BAHCC1: variants seen among roughly 807,000 people sequenced by gnomAD.
The protein encoded by BAHCC1 is BAH and coiled-coil domain-containing protein 1.
Under a neutral mutation model 88.2 loss-of-function variants are expected in BAHCC1, and 43 were observed. The ratio of observed to expected loss-of-function variants is 0.49; its 90% CI spans 0.38 to 0.63. BAHCC1 has a LOEUF of 0.63. Ranked by LOEUF, BAHCC1 falls within the 20% of genes least tolerant of loss-of-function variation. The probability of loss-of-function intolerance (pLI) is 0.00; values close to 1 mark genes in which losing one functional copy is unlikely to be tolerated. For missense variants in BAHCC1, 3,023 were observed against 1,654.8 expected, an observed-to-expected ratio of 1.83 and a Z score of -14.34; for synonymous variants, 1,510 against 745.5, an observed-to-expected ratio of 2.03 and a Z score of -16.71.
chr17:81,445,216 T>G (rs782597978), intron 9 of BAHCC1, 38 bp downstream of exon 9: 1 of 739,068 alleles, frequency 1.4e-6, no homozygotes, highest in South Asian at 1.4e-5. Flanking sequence ...GCCGGGCACT[T>G]CTCCCCAACC....
At chr17:81,423,710 A>G (rs2064141806) in intron 2 of BAHCC1, among the ~76,000 whole-genome samples, 1 of 152,118 alleles carries the variant, frequency 6.6e-6, no homozygotes. Flanking sequence ...CCGTGTGCAG[A>G]AATCTGTGTG....
At chr17:81,401,562 T>G (rs1460905312) in intron 2 of BAHCC1, 1 of 152,590 alleles carries the variant, frequency 6.6e-6, no homozygotes, top group African/African-American at 2.4e-5. Context: ...CACGGGGCGC[T>G]GAGGCTGGGG....
intron 4 of BAHCC1, among the ~76,000 whole-genome samples, chr17:81,440,565 C>T (rs1281025334): frequency 1.3e-5 from 2 of 152,236 alleles, no homozygotes; most frequent in African/African-American, 4.8e-5. Context: ...GCTGCCCACC[C>T]ACCCAGCTGG....
chr17:81,408,183 C>T (rs2063904654), intron 2 of BAHCC1, among the ~76,000 whole-genome samples: 1 of 152,218 alleles, frequency 6.6e-6, no homozygotes, highest in African/African-American at 2.4e-5. Context: ...AGGAGGAGGA[C>T]ATTCCCGTCA....
At chr17:81,426,414 TGGG>T (rs1276821593) in intron 2 of BAHCC1, among the ~76,000 whole-genome samples, 1 of 44,884 alleles carries the variant, frequency 2.2e-5, no homozygotes. Context: ...GTGATGTGGT[TGGG>T]GGTGATAGTG....
rs188576878 is a variant in BAHCC1, at chr17:81,449,686, G to A, written c.3976+1838G>A. Among the ~76,000 whole-genome samples, 794 of 114,212 alleles carry A rather than the reference G, an allele frequency of 7.0e-3. 2 individuals carry two copies. Among genetic ancestry groups the A allele is most frequent in the African/African-American group, 0.025 (744 of 29,596 alleles). The allele number at this position is 114,212 out of a possible 152,430, so 74.9% of individuals were successfully genotyped here. A position where few individuals can be genotyped will look rare whatever the true frequency, so the allele number is the denominator to read the frequency against. On this transcript the variant is annotated intron_variant, in intron 11 of 27. Coordinates refer to ENST00000675386, the MANE Select transcript of BAHCC1 (RefSeq NM_001377448.1). ...GCAGCTGCTCAGCCCACCCCCCCTC[G>A]GCCCTCTCTCCCCCTCCCATTCCCT...
At chr17:81,427,566 G>T (rs939673858) in intron 3 of BAHCC1, among the ~76,000 whole-genome samples, 1 of 152,176 alleles carries the variant, frequency 6.6e-6, no homozygotes, top group Non-Finnish European at 1.5e-5. Context: ...GGCCCCCCTG[G>T]CCTTTCCGTG....
Position 81,458,745 on chromosome 17 carries a change from G to A in BAHCC1, c.5448+20G>A, listed in dbSNP as rs921698316. The A allele has an allele frequency of 5.4e-6, 4 of 742,054 alleles. No homozygotes were observed. Among genetic ancestry groups the A allele is most frequent in the Non-Finnish European group, 1.0e-5 (4 of 399,316 alleles). 46.0% of individuals were successfully genotyped at this position (742,054 alleles called of 1,614,324 possible). Reference sequence around the variant, plus strand: ...AAGCAGGTAGCAGCCCCCCACTCTGGGAGCCCACTGTGCACCCACCTGCAC... The same window carrying A: ...AAGCAGGTAGCAGCCCCCCACTCTGAGAGCCCACTGTGCACCCACCTGCAC... On this transcript the variant is annotated intron_variant, in intron 19 of 27. Coordinates refer to ENST00000675386, the MANE Select transcript of BAHCC1 (RefSeq NM_001377448.1).
chr17:81,449,981 C>G (rs1555655416), intron 11 of BAHCC1, among the ~76,000 whole-genome samples: 1 of 152,152 alleles, frequency 6.6e-6, no homozygotes, highest in Non-Finnish European at 1.5e-5. Flanking sequence ...CGTGCCCCAG[C>G]TGTCAGGCGC....
At chr17:81,440,844 C>T (rs1477205616) in intron 4 of BAHCC1, among the ~76,000 whole-genome samples, 2 of 152,160 alleles carry the variant, frequency 1.3e-5, no homozygotes, top group Non-Finnish European at 2.9e-5. Context: ...TACCCTAGCC[C>T]CAGCAGCCTG....
At position 81,443,276 on chromosome 17, in the gene BAHCC1, G is replaced by T; in HGVS notation, c.1927G>T (p.Ala643Ser). 1 of 779,510 alleles carries T rather than the reference G, an allele frequency of 1.3e-6. No individual in the cohort carries two copies. Among genetic ancestry groups the T allele is most frequent in the Non-Finnish European group, 2.4e-6 (1 of 417,908 alleles). 48.3% of individuals were successfully genotyped at this position (779,510 alleles called of 1,614,324 possible). The change falls in exon 5 of 28, where the codon GCC becomes TCC. Residue 643 changes from alanine (A) to serine (S), a missense_variant. Ala to Ser is a moderately conservative substitution (Grantham distance 99). Transcript: ENST00000675386. Reference protein sequence around the residue: ...MKNLLKYSSQALVVGQKAPLV... With the variant: ...MKNLLKYSSQSLVVGQKAPLV... ...GAACCTGCTCAAATACAGCAGCCAG[G>T]CCCTGGTGGTGGGCCAGAAAGCACC...
rs781787065 is a variant in BAHCC1, at chr17:81,459,150, C to T, written c.5702C>T (p.Thr1901Ile). 6 of 769,742 alleles carry T rather than the reference C, an allele frequency of 7.8e-6. No individual in the cohort carries two copies. The highest frequency in any genetic ancestry group is 1.2e-5 in the Non-Finnish European group (5 of 412,850). 47.7% of individuals were successfully genotyped at this position (769,742 alleles called of 1,614,324 possible). A position where few individuals can be genotyped will look rare whatever the true frequency, so the allele number is the denominator to read the frequency against. Residue 1901 changes from threonine to isoleucine, a missense_variant, in exon 21 of 28, where the codon ACC becomes ATC. Transcript: ENST00000675386. ...DSLLYAGSVRTLQPPDIYSIV... is the reference protein window; with the variant it reads ...DSLLYAGSVRILQPPDIYSIV... ...CTGCTGTACGCGGGCAGCGTCAGGA[C>T]CCTGCAGCCACCCGACATGTGAGGC...
chr17:81,438,613 G>A (rs534590653), intron 4 of BAHCC1, 121 bp downstream of exon 4: 27 of 665,048 alleles, frequency 4.1e-5, no homozygotes, highest in Non-Finnish European at 6.1e-5. Context: ...AGGTGTCATC[G>A]AGGCCAGGGT....
At position 81,465,069 on chromosome 17, in the gene BAHCC1, C is replaced by T. The variant is rs533818983; in HGVS notation, c.*1252C>T. 6.6e-6 allele frequency: 1 copy of T among 152,320 alleles called. No individual in the cohort carries two copies. The highest frequency in any genetic ancestry group is 2.4e-5 in the African/African-American group (1 of 41,448). The allele number at this position is 152,320 out of a possible 1,614,324, so 9.4% of individuals were successfully genotyped here. A position where few individuals can be genotyped will look rare whatever the true frequency, so the allele number is the denominator to read the frequency against. ...TTTCCCACCCACCTTATTGGTGCCC[C>T]CAAACCCCTGGCCTGCTGCGTAGAT... On this transcript the variant is annotated 3_prime_UTR_variant, in exon 28 of 28. Coordinates refer to ENST00000675386, the MANE Select transcript of BAHCC1 (RefSeq NM_001377448.1).
intron 1 of BAHCC1, among the ~76,000 whole-genome samples, chr17:81,397,395 G>A (rs34396669): frequency 0.022 from 2,957 of 132,514 alleles, 105 homozygotes; most frequent in African/African-American, 0.077. Flanking sequence ...TTATTGGAGA[G>A]AAAAAAAAAA....
chr17:81,428,349 G>A (rs1238933964), intron 3 of BAHCC1, among the ~76,000 whole-genome samples: 2 of 152,202 alleles, frequency 1.3e-5, no homozygotes, highest in African/African-American at 2.4e-5. Flanking sequence ...GAGGGAGGAG[G>A]GTGGCCTGGC....
intron 2 of BAHCC1, chr17:81,401,459 G>A (rs782721904): frequency 3.9e-5 from 6 of 152,704 alleles, no homozygotes; most frequent in Non-Finnish European, 5.9e-5. Flanking sequence ...CTGAGCGATG[G>A]GTGATTTAAA....
In BAHCC1 at chr17:81,444,700, C is replaced by G. The variant is rs557626485; in HGVS notation, c.2545C>G (p.Pro849Ala). 4 of 775,850 alleles carry G rather than the reference C, an allele frequency of 5.2e-6. No individual in the cohort carries two copies. The highest frequency in any genetic ancestry group is 1.3e-5 in the South Asian group (1 of 74,550). 48.1% of individuals were successfully genotyped at this position (775,850 alleles called of 1,614,324 possible). The change falls in exon 8 of 28, where the codon CCC becomes GCC. Residue 849 changes from proline (P) to alanine (A), a missense_variant. Physicochemically the swap from Pro to Ala is conservative, Grantham distance 27. Coordinates refer to ENST00000675386, the MANE Select transcript of BAHCC1 (RefSeq NM_001377448.1). ...GCACCCTGCCCTGCACCAGAACCTG[C>G]CCCCCGGCTTCCCCGCCTCCGTGGC... ...LGHPALHQNL[P>A]PGFPASVAGP...
chr17:81,450,425 G>A lies in BAHCC1; in HGVS notation c.3977-1243G>A, dbSNP rs2064611524. 2.6e-5 allele frequency among the ~76,000 whole-genome samples: 4 copies of A among 152,288 alleles called. No individual in the cohort carries two copies. The South Asian group carries it at 6.2e-4, about 24-fold the overall frequency. On this transcript the variant is annotated intron_variant, in intron 11 of 27. Transcript: ENST00000675386. The stretch of plus-strand genomic sequence containing the variant: ...TGGCCCATGCTCTGACCCCAAGATG[G>A]GCCATCCCTTCCCCAGGCCACTGCC...
Sources: allele counts gnomAD v4.1 joint callset (sites outside exome capture counted in the v4.1 genomes callset), GRCh38; gene constraint gnomAD v4.1.1; transcripts MANE v1.5; gene names NCBI Gene and HGNC (gene_info 2026-07-23, HGNC 2026-07-21).